FBXO28: variants seen among roughly 807,000 people sequenced by gnomAD.
FBXO28 encodes the protein F-box protein 28.
A neutral mutation model predicts 38.1 loss-of-function variants in FBXO28; 8 were observed. That is an observed-to-expected ratio of 0.21 (90% CI 0.12 to 0.38). The LOEUF is 0.38. FBXO28 is among the 10% of genes least tolerant of loss of function. FBXO28 has a pLI of 1.00. For missense variants in FBXO28, 345 were observed against 460.6 expected, an observed-to-expected ratio of 0.75 and a Z score of 2.30; for synonymous variants, 168 against 173.8, an observed-to-expected ratio of 0.97 and a Z score of 0.26.
At chr1:224,120,269 AG>A (rs1433983316) in intron 1 of FBXO28, among the ~76,000 whole-genome samples, 1 of 152,208 alleles carries the variant, frequency 6.6e-6, no homozygotes, top group Non-Finnish European at 1.5e-5. Context: ...CAAGCTCTTC[AG>A]TTTCCCAAAT....
chr1:224,144,111 G>A (rs554449346), intron 3 of FBXO28, among the ~76,000 whole-genome samples: 95 of 146,844 alleles, frequency 6.5e-4, no homozygotes, highest in Non-Finnish European at 1.2e-3. Context: ...CTGAGGTTGC[G>A]CCACTGTACT....
At chr1:224,114,722 C>G (rs1180726837) in intron 1 of FBXO28, among the ~76,000 whole-genome samples, 1 of 150,566 alleles carries the variant, frequency 6.6e-6, no homozygotes, top group East Asian at 2.0e-4. Flanking sequence ...CGAGAGTAGA[C>G]CCGGAGAGGT....
chr1:224,148,018 A>G (rs1657551818), intron 3 of FBXO28, among the ~76,000 whole-genome samples: 1 of 152,154 alleles, frequency 6.6e-6, no homozygotes, highest in South Asian at 2.1e-4. Flanking sequence ...CTTTTGGACA[A>G]AGAAAAGAAA....
intron 4 of FBXO28, 98 bp from the exon 5 acceptor site, chr1:224,157,254 A>G: frequency 7.2e-7 from 1 of 1,390,186 alleles, no homozygotes; most frequent in Non-Finnish European, 9.7e-7. Flanking sequence ...AATTATCAGA[A>G]GTGACATAGT....
rs1263802873 is a variant in FBXO28, at chr1:224,114,159, A to C, written c.30A>C (p.Ala10=). The change falls in exon 1 of 5, where the codon GCA becomes GCC. Residue 10 remains alanine (A), a synonymous_variant. Coordinates refer to ENST00000366862, the MANE Select transcript of FBXO28 (RefSeq NM_015176.4). MAAAAEERM[A]EEGGGGQGDG... is the part of the protein sequence containing the mutation. The stretch of plus-strand genomic sequence containing the variant: ...CGGCAGCGGCGGAGGAGCGGATGGC[A>C]GAGGAAGGAGGCGGCGGCCAAGGCG... 1 of 1,545,994 alleles carries C rather than the reference A, an allele frequency of 6.5e-7. No individual in the cohort carries two copies. The highest frequency in any genetic ancestry group is 8.7e-7 in the Non-Finnish European group (1 of 1,145,170).
intron 1 of FBXO28, 89 bp downstream of exon 1, chr1:224,114,485 C>G: frequency 1.8e-6 from 2 of 1,123,008 alleles, no homozygotes; most frequent in Non-Finnish European, 2.5e-6. Flanking sequence ...GAAGGGAGCC[C>G]CCCGCGAGCC....
chr1:224,123,615 C>T (rs1467108975), intron 1 of FBXO28, among the ~76,000 whole-genome samples: 2 of 151,702 alleles, frequency 1.3e-5, no homozygotes, highest in Non-Finnish European at 2.9e-5. Flanking sequence ...AAGTTGGTAG[C>T]ATGTCTCAAA....
chr1:224,118,997 T>C (rs766688637), intron 1 of FBXO28, among the ~76,000 whole-genome samples: 3 of 152,200 alleles, frequency 2.0e-5, no homozygotes, highest in Admixed American at 6.5e-5. Context: ...ACTCTGAGAA[T>C]AGTTTGGCCT....
At chr1:224,121,816 C>G (rs550359738) in intron 1 of FBXO28, among the ~76,000 whole-genome samples, 2 of 151,996 alleles carry the variant, frequency 1.3e-5, no homozygotes, top group Non-Finnish European at 2.9e-5. Context: ...CGCTCTGTCG[C>G]CCAGGCTGGA....
intron 2 of FBXO28, chr1:224,130,880 T>C (rs1657023247): frequency 4.5e-6 from 1 of 220,176 alleles, no homozygotes; most frequent in African/African-American, 2.3e-5. Context: ...AGGAGTGCAC[T>C]AATTGATTAT....
intron 2 of FBXO28, 49 bp from the exon 3 acceptor site, chr1:224,134,025 C>G: frequency 2.9e-6 from 4 of 1,376,820 alleles, no homozygotes; most frequent in Non-Finnish European, 3.8e-6. Context: ...TTTTAGTCCA[C>G]AATACTGCTT....
rs1657812508 is a variant in FBXO28, at chr1:224,158,047, A to G, written c.*301A>G. On this transcript the variant is annotated 3_prime_UTR_variant, in exon 5 of 5. Transcript: ENST00000366862. ...AGTAAGTTAATTTGTTTCTGCATATATGCACATACATACGTAAGGATCTTA... is the reference window on the plus strand; with the variant it reads ...AGTAAGTTAATTTGTTTCTGCATATGTGCACATACATACGTAAGGATCTTA... The G allele has an allele frequency of 2.7e-6, 3 of 1,105,050 alleles. No individual in the cohort carries two copies. The highest frequency in any genetic ancestry group is 4.7e-5 in the Admixed American group (1 of 21,474). The allele number at this position is 1,105,050 out of a possible 1,614,324, so 68.5% of individuals were successfully genotyped here.
intron 3 of FBXO28, among the ~76,000 whole-genome samples, chr1:224,150,645 C>T (rs1657620586): frequency 6.6e-6 from 1 of 152,164 alleles, no homozygotes; most frequent in African/African-American, 2.4e-5. Context: ...GCCAAGCTGA[C>T]ACTGACCTTG....
At chr1:224,153,554 C>T (rs1383843171) in intron 4 of FBXO28, among the ~76,000 whole-genome samples, 1 of 152,196 alleles carries the variant, frequency 6.6e-6, no homozygotes, top group African/African-American at 2.4e-5. Flanking sequence ...CTCTGAAGAA[C>T]AATCTGAGCG....
At chr1:224,121,815 G>A (rs575346192) in intron 1 of FBXO28, among the ~76,000 whole-genome samples, 1 of 151,490 alleles carries the variant, frequency 6.6e-6, no homozygotes, top group South Asian at 2.1e-4. Context: ...TCGCTCTGTC[G>A]CCCAGGCTGG....
Position 224,157,645 on chromosome 1 carries a change from T to C in FBXO28, c.1006T>C (p.Ser336Pro). ...AATGGAAAGTGCTGTAGGAAATTCC[T>C]CAGGGTCCGGGCAGAATGAGGAGTC... ...EVMESAVGNS[S>P]GSGQNEESPR... The change falls in exon 5 of 5, where the codon TCA (serine) becomes CCA (proline). Residue 336 changes from serine to proline, a missense_variant. Physicochemically the swap from Ser to Pro is moderately conservative, Grantham distance 74 (BLOSUM62 -1). Transcript: ENST00000366862. The C allele has an allele frequency of 6.2e-7, 1 of 1,614,238 alleles. No individual in the cohort carries two copies.
intron 1 of FBXO28, among the ~76,000 whole-genome samples, chr1:224,114,645 C>T (rs148131793): frequency 1.6e-3 from 177 of 108,002 alleles, no homozygotes; most frequent in Admixed American, 0.012. Context: ...GCTCCTTGCC[C>T]CCCGCCCGGA....
chr1:224,138,378 G>A (rs72753969), intron 3 of FBXO28, among the ~76,000 whole-genome samples: 5,918 of 151,960 alleles, frequency 0.039, 206 homozygotes, highest in African/African-American at 0.052. Context: ...AGAAACAGCC[G>A]TGTGCAATGT....
chr1:224,142,060 TA>T (rs1421764397), intron 3 of FBXO28, among the ~76,000 whole-genome samples: 5 of 119,858 alleles, frequency 4.2e-5, no homozygotes, highest in African/African-American at 1.2e-4. Flanking sequence ...TTTTTTTTTT[TA>T]ATTTTTGGGG....
Sources: gnomAD v4.1 joint callset for allele counts (sites outside exome capture counted in the v4.1 genomes callset) on GRCh38, gnomAD v4.1.1 for gene constraint, MANE v1.5 for transcripts, NCBI Gene and HGNC (gene_info 2026-07-23, HGNC 2026-07-21) for gene names.